TTLL11: variants seen among roughly 807,000 people sequenced by gnomAD.
TTLL11 encodes the protein tubulin polyglutamylase TTLL11.
TTLL11 carries 42 observed loss-of-function variants against 51.7 expected under a neutral mutation model. The observed-to-expected ratio is 0.81, with a 90% CI of 0.64 to 1.05. The LOEUF is 1.05. Ranked by LOEUF, TTLL11 falls within the 50% of genes least tolerant of loss-of-function variation. The probability of loss-of-function intolerance (pLI) is 0.00; values close to 1 mark genes in which losing one functional copy is unlikely to be tolerated. For synonymous variants in TTLL11, 381 were observed against 383.5 expected (o/e 0.99, Z 0.08); for missense variants, 799 against 940.4 (o/e 0.85, Z 1.97).
chr9:121,988,425 A>C (rs1588179713), intron 4 of TTLL11, among the ~76,000 whole-genome samples: 1 of 135,714 alleles, frequency 7.4e-6, no homozygotes, highest in South Asian at 2.4e-4. Flanking sequence ...ACCTTCCCTC[A>C]TCTCCCCCGC....
intron 6 of TTLL11, among the ~76,000 whole-genome samples, chr9:121,919,988 T>C (rs1840470932): frequency 6.6e-6 from 1 of 152,144 alleles, no homozygotes. Context: ...TGCATTATAG[T>C]AAATTTAAAA....
chr9:121,946,737 T>C (rs1841683766), intron 6 of TTLL11, among the ~76,000 whole-genome samples: 1 of 152,168 alleles, frequency 6.6e-6, no homozygotes, highest in African/African-American at 2.4e-5. Context: ...CAAAGAGTGT[T>C]CTTTTAATTT....
chr9:122,049,609 C>A (rs1032725149), intron 1 of TTLL11, among the ~76,000 whole-genome samples: 2 of 152,172 alleles, frequency 1.3e-5, no homozygotes, highest in Non-Finnish European at 2.9e-5. Context: ...AATCTTTTCC[C>A]TCTTGACCAG....
chr9:121,939,856 G>A (rs1449126241), intron 6 of TTLL11, among the ~76,000 whole-genome samples: 5 of 152,132 alleles, frequency 3.3e-5, no homozygotes, highest in South Asian at 2.1e-4. Flanking sequence ...CTGAAGAGCC[G>A]TCCAGGCTTC....
chr9:122,086,837 C>T (rs935247989), intron 1 of TTLL11, among the ~76,000 whole-genome samples: 1 of 152,220 alleles, frequency 6.6e-6, no homozygotes, highest in African/African-American at 2.4e-5. Context: ...TCATAAAACA[C>T]TTAAAAGTGG....
chr9:121,940,742 T>C (rs1841424806), intron 6 of TTLL11, among the ~76,000 whole-genome samples: 1 of 152,236 alleles, frequency 6.6e-6, no homozygotes, highest in Admixed American at 6.5e-5. Context: ...GAAACTCTGT[T>C]TCTAGCTCAC....
chr9:122,093,117 G>T lies in TTLL11; in HGVS notation c.32C>A (p.Ala11Glu), dbSNP rs1481232193. The T allele has an allele frequency of 2.0e-6, 3 of 1,493,968 alleles. No individual in the cohort carries two copies. Among genetic ancestry groups the T allele is most frequent in the South Asian group, 1.3e-5 (1 of 79,476 alleles). 92.5% of individuals were successfully genotyped at this position (1,493,968 alleles called of 1,614,324 possible). A position where few individuals can be genotyped will look rare whatever the true frequency, so the allele number is the denominator to read the frequency against. ...CACCGCCTCCGCCTCCCACCGGGCC[G>T]CCAGCTCGCTCTCGGAGCTGCCCCG... is the stretch of plus-strand genomic sequence containing the variant. MRRGSSESEL[A>E]ARWEAEAVAA... Residue 11 changes from alanine to glutamate, a missense_variant, in exon 1 of 9, where the codon GCG becomes GAG. Ala to Glu is a moderately radical substitution (Grantham distance 107, BLOSUM62 -1). Coordinates refer to ENST00000321582, the MANE Select transcript of TTLL11 (RefSeq NM_001139442.2).
intron 6 of TTLL11, among the ~76,000 whole-genome samples, chr9:121,961,580 C>G (rs1842223207): frequency 6.6e-6 from 1 of 152,162 alleles, no homozygotes; most frequent in African/African-American, 2.4e-5. Context: ...TCTATTCCTG[C>G]TGCCCCAGGG....
chr9:121,919,402 G>A (rs558027452), intron 6 of TTLL11, among the ~76,000 whole-genome samples: 2 of 152,244 alleles, frequency 1.3e-5, no homozygotes, highest in Admixed American at 1.3e-4. Context: ...GCCTTAAAAT[G>A]AACATGGAAA....
At chr9:122,084,444 A>T (rs1295103590) in intron 1 of TTLL11, among the ~76,000 whole-genome samples, 1 of 152,162 alleles carries the variant, frequency 6.6e-6, no homozygotes, top group Non-Finnish European at 1.5e-5. Flanking sequence ...GGAAGGAGAG[A>T]TGCAAGTCCT....
intron 4 of TTLL11, among the ~76,000 whole-genome samples, chr9:121,986,024 C>T (rs1842931917): frequency 6.6e-6 from 1 of 152,232 alleles, no homozygotes; most frequent in Admixed American, 6.5e-5. Context: ...CAAGTTCGCA[C>T]AGCTGGGAAG....
At chr9:121,919,683 G>C (rs1475551737) in intron 6 of TTLL11, among the ~76,000 whole-genome samples, 1 of 152,028 alleles carries the variant, frequency 6.6e-6, no homozygotes, top group Non-Finnish European at 1.5e-5. Context: ...TTCCCCTGTG[G>C]GGAGACAGTG....
chr9:122,058,571 T>C (rs1236002672), intron 1 of TTLL11, among the ~76,000 whole-genome samples: 3 of 152,226 alleles, frequency 2.0e-5, no homozygotes. Context: ...CTCTGCTGTT[T>C]AGAATTTCAA....
intron 4 of TTLL11, among the ~76,000 whole-genome samples, chr9:121,982,858 CAGAT>C (rs1842856489): frequency 6.6e-6 from 1 of 152,056 alleles, no homozygotes; most frequent in Non-Finnish European, 1.5e-5. Context: ...AAGATGAGGT[CAGAT>C]AGACAAGGGG....
At chr9:122,008,905 C>A (rs1220139257) in intron 3 of TTLL11, among the ~76,000 whole-genome samples, 1 of 152,080 alleles carries the variant, frequency 6.6e-6, no homozygotes, top group South Asian at 2.1e-4. Flanking sequence ...CTTGGATGAA[C>A]CTGAAGGACG....
chr9:121,962,886 G>C (rs879326376), intron 6 of TTLL11, among the ~76,000 whole-genome samples: 4 of 152,242 alleles, frequency 2.6e-5, no homozygotes, highest in Non-Finnish European at 5.9e-5. Context: ...AGAGACATGA[G>C]ACCCTGCCCC....
chr9:121,941,783 C>T (rs62574000), intron 6 of TTLL11, among the ~76,000 whole-genome samples: 88 of 152,286 alleles, frequency 5.8e-4, no homozygotes, highest in South Asian at 1.5e-3. Flanking sequence ...TTGTGTGGCA[C>T]GGATCAGTAC....
intron 6 of TTLL11, among the ~76,000 whole-genome samples, chr9:121,944,662 C>T (rs1056205088): frequency 1.4e-4 from 21 of 152,028 alleles, no homozygotes; most frequent in Admixed American, 9.8e-4. Flanking sequence ...TGTCATAAAG[C>T]GTGGTCCATT....
At chr9:121,981,004 T>C (rs1842813703) in intron 4 of TTLL11, among the ~76,000 whole-genome samples, 1 of 152,196 alleles carries the variant, frequency 6.6e-6, no homozygotes, top group South Asian at 2.1e-4. Flanking sequence ...AATAGTGTGA[T>C]TATAATCTGG....
Sources: allele counts gnomAD v4.1 joint callset (sites outside exome capture counted in the v4.1 genomes callset), GRCh38; gene constraint gnomAD v4.1.1; transcripts MANE v1.5; gene names NCBI Gene and HGNC (gene_info 2026-07-23, HGNC 2026-07-21).